Variants in PRKCH observed in about 807,000 individuals in gnomAD.
PRKCH encodes the protein protein kinase C eta.
In PRKCH, 28 loss-of-function variants were observed where a neutral mutation model predicts 82.5. That is an observed-to-expected ratio of 0.34 (90% CI 0.25 to 0.47). The LOEUF is 0.47. Ranked by LOEUF, PRKCH falls within the 20% of genes least tolerant of loss-of-function variation. The pLI is 1.00. For synonymous variants in PRKCH, 322 were observed against 327.4 expected (o/e 0.98, Z 0.18); for missense variants, 705 against 881.8 (o/e 0.80, Z 2.54).
At chr14:61,223,656 T>C (rs1292287277) in intron 1 of PRKCH, among the ~76,000 whole-genome samples, 1 of 152,236 alleles carries the variant, frequency 6.6e-6, no homozygotes, top group East Asian at 1.9e-4. Flanking sequence ...TAATATACAA[T>C]GGTACCCTTC....
At chr14:61,436,423 C>T (rs1883681372) in intron 2 of PRKCH, among the ~76,000 whole-genome samples, 1 of 142,606 alleles carries the variant, frequency 7.0e-6, no homozygotes, top group South Asian at 2.4e-4. Flanking sequence ...TGAGTCCAAC[C>T]ACTTTATCTG....
intron 1 of PRKCH, among the ~76,000 whole-genome samples, chr14:61,272,704 C>T (rs1217961968): frequency 1.3e-5 from 2 of 152,156 alleles, no homozygotes; most frequent in Admixed American, 1.3e-4. Context: ...TAAAAATGGT[C>T]TGTACCCTTG....
intron 10 of PRKCH, among the ~76,000 whole-genome samples, chr14:61,489,666 AG>A (rs1417998789): frequency 6.6e-6 from 1 of 152,206 alleles, no homozygotes; most frequent in Non-Finnish European, 1.5e-5. Flanking sequence ...AGTTCTCCCA[AG>A]GGGAAAAAAA....
chr14:61,547,962 C>T (rs1207556162), intron 13 of PRKCH, 76 bp downstream of exon 13: 1 of 1,554,650 alleles, frequency 6.4e-7, no homozygotes, highest in African/African-American at 1.4e-5. Context: ...CGTAGAAGAG[C>T]TGGATGGCCC....
At chr14:61,370,030 G>A (rs536106290) in intron 1 of PRKCH, among the ~76,000 whole-genome samples, 3 of 151,840 alleles carry the variant, frequency 2.0e-5, no homozygotes, top group Non-Finnish European at 2.9e-5. Context: ...CGTGATCTCC[G>A]CCTCCCAGGT....
At chr14:61,407,404 G>A (rs1325640756) in intron 2 of PRKCH, among the ~76,000 whole-genome samples, 1 of 152,122 alleles carries the variant, frequency 6.6e-6, no homozygotes, top group South Asian at 2.1e-4. Flanking sequence ...TGCTTGGAGG[G>A]GTTCTAACCT....
intron 10 of PRKCH, among the ~76,000 whole-genome samples, chr14:61,521,574 T>A (rs1419787188): frequency 9.0e-6 from 1 of 111,016 alleles, no homozygotes; most frequent in Non-Finnish European, 1.9e-5. Context: ...ATTTTATTAA[T>A]TTTTTTTTTT....
At chr14:61,257,903 C>T (rs899270368) in intron 1 of PRKCH, among the ~76,000 whole-genome samples, 33 of 152,112 alleles carry the variant, frequency 2.2e-4, no homozygotes, top group African/African-American at 8.0e-4. Flanking sequence ...CACTTCAGCA[C>T]TAGAAGAAAG....
intron 10 of PRKCH, among the ~76,000 whole-genome samples, chr14:61,503,976 C>T (rs147144948): frequency 6.6e-6 from 1 of 152,220 alleles, no homozygotes; most frequent in East Asian, 1.9e-4. Context: ...AAGATAAAAA[C>T]TCATCAGAGT....
intron 2 of PRKCH, among the ~76,000 whole-genome samples, chr14:61,424,710 G>A (rs1290963361): frequency 1.3e-5 from 2 of 152,250 alleles, no homozygotes; most frequent in African/African-American, 2.4e-5. Context: ...TAAGTAACAA[G>A]GAGCCAAATG....
intron 10 of PRKCH, among the ~76,000 whole-genome samples, chr14:61,498,976 A>G (rs775178273): frequency 1.3e-5 from 2 of 152,202 alleles, no homozygotes; most frequent in Non-Finnish European, 2.9e-5. Context: ...TTTCAGCCCT[A>G]AGGAAAACAG....
At chr14:61,477,604 A>C (rs1010074831) in intron 9 of PRKCH, among the ~76,000 whole-genome samples, 12 of 152,366 alleles carry the variant, frequency 7.9e-5, no homozygotes, top group Admixed American at 2.6e-4. Flanking sequence ...TTTTGCAATA[A>C]TAATTATTAT....
At chr14:61,457,389 G>A in intron 8 of PRKCH, 70 bp downstream of exon 8, 2 of 1,582,960 alleles carry the variant, frequency 1.3e-6, no homozygotes, top group Non-Finnish European at 8.6e-7. Context: ...GTGTGTGTGT[G>A]CACGCATGCG....
At chr14:61,441,985 A>G (rs988049778) in intron 2 of PRKCH, among the ~76,000 whole-genome samples, 3 of 152,014 alleles carry the variant, frequency 2.0e-5, no homozygotes, top group South Asian at 2.1e-4. Flanking sequence ...TAGGAGTATA[A>G]TATTTTTCTG....
At chr14:61,235,425 C>T (rs940867555) in intron 1 of PRKCH, among the ~76,000 whole-genome samples, 1 of 152,204 alleles carries the variant, frequency 6.6e-6, no homozygotes, top group Non-Finnish European at 1.5e-5. Context: ...AAACCATAAG[C>T]CCTAGTCTGT....
At chr14:61,511,310 A>G (rs1369250427) in intron 10 of PRKCH, among the ~76,000 whole-genome samples, 2 of 152,152 alleles carry the variant, frequency 1.3e-5, no homozygotes, top group Non-Finnish European at 1.5e-5. Flanking sequence ...CAGGGTGAAT[A>G]CCTGCTGCAA....
At chr14:61,334,110 A>T (rs1477653180) in intron 1 of PRKCH, among the ~76,000 whole-genome samples, 1 of 152,138 alleles carries the variant, frequency 6.6e-6, no homozygotes, top group Non-Finnish European at 1.5e-5. Context: ...AGCTCTCTAG[A>T]CTTCAGGCCA....
intron 1 of PRKCH, among the ~76,000 whole-genome samples, chr14:61,232,720 C>T (rs1392939805): frequency 1.3e-5 from 2 of 152,154 alleles, no homozygotes; most frequent in African/African-American, 4.8e-5. Flanking sequence ...AGCTTCATTA[C>T]ATAGGCCTAA....
chr14:61,318,783 C>A (rs918385615), upstream of PRKCH, among the ~76,000 whole-genome samples: 6 of 152,036 alleles, frequency 3.9e-5, no homozygotes, highest in East Asian at 1.2e-3. Flanking sequence ...CCAATCCACC[C>A]CCGAGAGAGA....
Sources: gnomAD v4.1 joint callset for allele counts (sites outside exome capture counted in the v4.1 genomes callset) on GRCh38, gnomAD v4.1.1 for gene constraint, MANE v1.5 for transcripts, NCBI Gene and HGNC (gene_info 2026-07-23, HGNC 2026-07-21) for gene names.